Variants in NEO1 observed in about 807,000 individuals in gnomAD.
NEO1 encodes neogenin 1.
In NEO1, 63 loss-of-function variants were observed where a neutral mutation model predicts 159.7. The observed-to-expected ratio is 0.39, with a 90% CI of 0.32 to 0.49. The LOEUF is 0.49. Among genes scored for constraint, NEO1 ranks in the 20% least tolerant of loss-of-function variants. The pLI is 0.85. For synonymous variants in NEO1, 633 were observed against 662.0 expected (o/e 0.96, Z 0.67); for missense variants, 1,615 against 1,831.0 (o/e 0.88, Z 2.15).
rs1177423134 is a variant in NEO1, at chr15:73,288,302, T to G, written c.3411-11T>G. The G allele has an allele frequency of 1.9e-6, 3 of 1,608,298 alleles. No individual in the cohort carries two copies. Among genetic ancestry groups the G allele is most frequent in the Non-Finnish European group, 2.6e-6 (3 of 1,174,994 alleles). On this transcript the variant is annotated splice_polypyrimidine_tract_variant and intron_variant, in intron 23 of 28. Coordinates refer to ENST00000261908, the MANE Select transcript of NEO1 (RefSeq NM_002499.4). ...TTACTTTTTAAAAGCTCCTCTGAAC[T>G]TCGTGCCTAGGAAACGAGCTGCCTG...
At position 73,215,697 on chromosome 15, in the gene NEO1, C is replaced by T. The variant is rs550936165; in HGVS notation, c.1292-20650C>T. On this transcript the variant is annotated intron_variant, in intron 7 of 28. Transcript: ENST00000261908. ...GATTTGGTTAGCTAGTATTTTGTTA[C>T]GGATTTTAGCATCTATGCTAATCAA... Among the ~76,000 whole-genome samples the T allele has an allele frequency of 1.2e-3, 183 of 152,204 alleles. 1 individual carries two copies. Among genetic ancestry groups the T allele is most frequent in the African/African-American group, 4.1e-3 (172 of 41,552 alleles).
intron 7 of NEO1, among the ~76,000 whole-genome samples, chr15:73,232,513 T>C (rs1285987944): frequency 6.6e-6 from 1 of 152,216 alleles, no homozygotes; most frequent in African/African-American, 2.4e-5. Flanking sequence ...CTTTGCTTTC[T>C]ACCGGGCTCT....
chr15:73,123,550 A>T lies in NEO1; in HGVS notation c.724+750A>T, dbSNP rs1019356705. On this transcript the variant is annotated intron_variant, in intron 3 of 28. Transcript: ENST00000261908. ...ATCTTTATACTCCCCATTTTAGTGT[A>T]AATTCAGCTCCTATTTCAGTCTTTC... Among the ~76,000 whole-genome samples, 7 of 152,118 alleles carry T rather than the reference A, an allele frequency of 4.6e-5. 1 individual carries two copies. Among genetic ancestry groups the T allele is most frequent in the Admixed American group, 4.6e-4 (7 of 15,270 alleles).
chr15:73,202,155 G>A lies in NEO1; in HGVS notation c.1291+23728G>A, dbSNP rs375921717. On this transcript the variant is annotated intron_variant, in intron 7 of 28. Coordinates refer to ENST00000261908, the MANE Select transcript of NEO1 (RefSeq NM_002499.4). ...TTTTTGTGTTTTTAGTAGAGACAGG[G>A]TTTCTCCATGTTGGTCAGGCTGGTC... is the stretch of plus-strand genomic sequence containing the variant. Among the ~76,000 whole-genome samples the A allele has an allele frequency of 5.9e-5, 9 of 151,518 alleles. No homozygotes were observed. The East Asian group carries it at 9.7e-4, about 16-fold the overall frequency.
intron 21 of NEO1, among the ~76,000 whole-genome samples, chr15:73,277,286 A>T (rs1306662204): frequency 1.3e-5 from 2 of 152,216 alleles, no homozygotes; most frequent in Non-Finnish European, 2.9e-5. Context: ...CCTTAGATTG[A>T]CACCTTTGCT....
At chr15:73,088,848 AAG>A (rs1019244075) in intron 1 of NEO1, among the ~76,000 whole-genome samples, 1 of 152,086 alleles carries the variant, frequency 6.6e-6, no homozygotes, top group Non-Finnish European at 1.5e-5. Context: ...AAGATGAAGT[AAG>A]AGAGAGTAAA....
At chr15:73,173,558 GA>G (rs2035100666) in intron 5 of NEO1, among the ~76,000 whole-genome samples, 1 of 152,132 alleles carries the variant, frequency 6.6e-6, no homozygotes, top group Admixed American at 6.6e-5. Flanking sequence ...AAATACAAGT[GA>G]ATGTTGTTAT....
At chr15:73,264,602 G>C (rs982400623) in intron 15 of NEO1, among the ~76,000 whole-genome samples, 2 of 152,154 alleles carry the variant, frequency 1.3e-5, no homozygotes, top group African/African-American at 4.8e-5. Context: ...TATTGACCTA[G>C]ATAGATCTAA....
intron 5 of NEO1, among the ~76,000 whole-genome samples, chr15:73,136,616 C>G (rs1304247328): frequency 6.6e-6 from 1 of 152,300 alleles, no homozygotes; most frequent in East Asian, 1.9e-4. Flanking sequence ...ATTTTCCTCT[C>G]TTCATACTTC....
intron 7 of NEO1, among the ~76,000 whole-genome samples, chr15:73,218,837 C>T (rs1410127664): frequency 3.3e-5 from 5 of 152,112 alleles, no homozygotes; most frequent in East Asian, 3.8e-4. Flanking sequence ...GTCTTGCTAG[C>T]AGTCTATCAA....
intron 15 of NEO1, 121 bp from the exon 16 acceptor site, chr15:73,266,195 A>G (rs2040883241): frequency 3.0e-6 from 2 of 677,726 alleles, no homozygotes; most frequent in African/African-American, 3.6e-5. Flanking sequence ...ATAATCCCCC[A>G]TAAAAATTTT....
intron 7 of NEO1, among the ~76,000 whole-genome samples, chr15:73,187,921 A>G (rs1280977374): frequency 6.6e-6 from 1 of 152,192 alleles, no homozygotes; most frequent in Non-Finnish European, 1.5e-5. Flanking sequence ...GAAATTCGCA[A>G]TGCTAATGAA....
Position 73,220,822 on chromosome 15 carries a change from T to C in NEO1, c.1292-15525T>C, listed in dbSNP as rs1387003831. 3.3e-5 allele frequency among the ~76,000 whole-genome samples: 5 copies of C among 152,262 alleles called. 1 individual carries two copies. The East Asian group carries it at 7.7e-4, about 24-fold the overall frequency. ...CTGTATTGGTTATTATAGTTATACA[T>C]TCGTCTAAATTTTTTTCAAAGTTTT... On this transcript the variant is annotated intron_variant, in intron 7 of 28. Transcript: ENST00000261908.
intron 1 of NEO1, among the ~76,000 whole-genome samples, chr15:73,061,334 G>A (rs2067967867): frequency 6.6e-6 from 1 of 152,170 alleles, no homozygotes; most frequent in African/African-American, 2.4e-5. Context: ...ACTGCTAATG[G>A]ATATTGCCTA....
At chr15:73,221,377 G>A (rs2033690615) in intron 7 of NEO1, among the ~76,000 whole-genome samples, 1 of 152,228 alleles carries the variant, frequency 6.6e-6, no homozygotes, top group Admixed American at 6.5e-5. Context: ...GGGGTCAGGG[G>A]TCAGGGACCC....
intron 1 of NEO1, among the ~76,000 whole-genome samples, chr15:73,063,646 T>G (rs1595891671): frequency 6.6e-6 from 1 of 152,196 alleles, no homozygotes; most frequent in East Asian, 1.9e-4. Flanking sequence ...TGTTTGTTTG[T>G]TTGTTTGTTT....
intron 7 of NEO1, among the ~76,000 whole-genome samples, chr15:73,229,348 G>C (rs1455106194): frequency 6.6e-6 from 1 of 151,530 alleles, no homozygotes; most frequent in East Asian, 1.9e-4. Flanking sequence ...TTTGTGAATG[G>C]AATTGATTTC....
In NEO1 at chr15:73,226,358, G is replaced by A. The variant is rs570313411; in HGVS notation, c.1292-9989G>A. ...ATGGTGATCCAAAGAATGCCTGCAT[G>A]GGCTCTTTTAAAGCGGCTCTCTGCT... On this transcript the variant is annotated intron_variant, in intron 7 of 28. Coordinates refer to ENST00000261908, the MANE Select transcript of NEO1 (RefSeq NM_002499.4). Among the ~76,000 whole-genome samples, 4 of 152,294 alleles carry A rather than the reference G, an allele frequency of 2.6e-5. No homozygotes were observed. In the South Asian group the frequency reaches 8.3e-4, roughly 32 times the overall value.
At chr15:73,244,954 C>CAAAAAAAAAAAA (rs57566986) in intron 9 of NEO1, among the ~76,000 whole-genome samples, 645 of 16,500 alleles carry the variant, frequency 0.039, 156 homozygotes, top group Non-Finnish European at 0.058. Flanking sequence ...GACTCTGTCT[C>CAAAAAAAAAAAA]AAAAAAAAAA....
Sources: gnomAD v4.1 joint callset for allele counts (sites outside exome capture counted in the v4.1 genomes callset) on GRCh38, gnomAD v4.1.1 for gene constraint, MANE v1.5 for transcripts, NCBI Gene and HGNC (gene_info 2026-07-23, HGNC 2026-07-21) for gene names.